Variants in FAM120B observed in about 807,000 individuals in gnomAD.
FAM120B encodes family with sequence similarity 120 member B, also known as constitutive coactivator of peroxisome proliferator-activated receptor gamma.
A neutral mutation model predicts 96.3 loss-of-function variants in FAM120B; 83 were observed. The observed-to-expected ratio is 0.86, with a 90% CI of 0.72 to 1.03. The LOEUF is 1.03. FAM120B is among the 50% of genes least tolerant of loss of function. The pLI, the probability that FAM120B is intolerant of heterozygous loss-of-function variation, is 0.00. For synonymous variants in FAM120B, 407 were observed against 402.7 expected, an observed-to-expected ratio of 1.01 and a Z score of -0.13; for missense variants, 1,027 against 1,121.2, an observed-to-expected ratio of 0.92 and a Z score of 1.20.
At chr6:170,354,721 A>G (rs1169899213) in intron 5 of FAM120B, among the ~76,000 whole-genome samples, 1 of 152,008 alleles carries the variant, frequency 6.6e-6, no homozygotes, top group African/African-American at 2.4e-5. Context: ...CAGGAGATCA[A>G]GACCATCCTG....
intron 3 of FAM120B, among the ~76,000 whole-genome samples, chr6:170,328,334 G>C (rs1785743907): frequency 6.6e-6 from 1 of 152,214 alleles, no homozygotes; most frequent in African/African-American, 2.4e-5. Context: ...CACGGGGTCA[G>C]GATCATCAAG....
chr6:170,336,680 CA>C (rs1562540865), intron 4 of FAM120B, among the ~76,000 whole-genome samples: 1 of 152,058 alleles, frequency 6.6e-6, no homozygotes, highest in African/African-American at 2.4e-5. Context: ...AATGTTTTTC[CA>C]TTTGTTTGTG....
chr6:170,361,182 C>CTATATA lies in FAM120B; in HGVS notation c.2283+2871_2283+2876dup, dbSNP rs564683415. On this transcript the variant is annotated intron_variant, in intron 6 of 10. Coordinates refer to ENST00000476287, the MANE Select transcript of FAM120B (RefSeq NM_032448.3). ...TTCCTACTCAAATATAGCCTTAAAA[C>CTATATA]TATATATATATACGTGTATATATAT... 1.2e-3 allele frequency among the ~76,000 whole-genome samples: 87 copies of CTATATA among 75,504 alleles called. 1 individual carries two copies. The highest frequency in any genetic ancestry group is 4.1e-3 in the African/African-American group (76 of 18,666). The allele number at this position is 75,504 out of a possible 152,430, so 49.5% of individuals were successfully genotyped here. A position where few individuals can be genotyped will look rare whatever the true frequency, so the allele number is the denominator to read the frequency against.
intron 1 of FAM120B, among the ~76,000 whole-genome samples, chr6:170,301,694 T>C (rs1420219887): frequency 6.6e-6 from 1 of 152,184 alleles, no homozygotes; most frequent in Non-Finnish European, 1.5e-5. Flanking sequence ...GTTCCACAGA[T>C]CTCTAAGGCA....
At chr6:170,380,204 G>A (rs984114021) in intron 6 of FAM120B, among the ~76,000 whole-genome samples, 10 of 151,468 alleles carry the variant, frequency 6.6e-5, no homozygotes, top group Non-Finnish European at 1.3e-4. Context: ...TTTAGTAGCT[G>A]AACAGTATTC....
chr6:170,356,784 G>T (rs1423283713), intron 5 of FAM120B, among the ~76,000 whole-genome samples: 1 of 152,134 alleles, frequency 6.6e-6, no homozygotes, highest in Non-Finnish European at 1.5e-5. Flanking sequence ...CATTTGGTCT[G>T]ACCTCCCAGT....
intron 1 of FAM120B, among the ~76,000 whole-genome samples, chr6:170,314,691 T>A (rs1186643686): frequency 6.6e-6 from 1 of 152,208 alleles, no homozygotes; most frequent in Non-Finnish European, 1.5e-5. Flanking sequence ...AAGAAAAAAT[T>A]TAAAGCGATA....
Position 170,404,762 on chromosome 6 carries a change from G to C in FAM120B, c.*12-1G>C, listed in dbSNP as rs1478451235. On this transcript the variant is annotated splice_acceptor_variant, in intron 10 of 10. Transcript: ENST00000476287. LOFTEE classifies it low-confidence loss of function (3UTR_SPLICE). ...TTTCAAAACACTCTTGCTTCCTCCAGAAAGAGTATGGAGAGAAAAAGAGGC... is the reference window on the plus strand; with the variant it reads ...TTTCAAAACACTCTTGCTTCCTCCACAAAGAGTATGGAGAGAAAAAGAGGC... 2 of 637,170 alleles carry C rather than the reference G, an allele frequency of 3.1e-6. No homozygotes were observed. The highest frequency in any genetic ancestry group is 5.5e-5 in the East Asian group (2 of 36,274). The allele number at this position is 637,170 out of a possible 1,614,324, so 39.5% of individuals were successfully genotyped here. A position where few individuals can be genotyped will look rare whatever the true frequency, so the allele number is the denominator to read the frequency against.
At chr6:170,333,154 A>G (rs1476210551) in intron 4 of FAM120B, among the ~76,000 whole-genome samples, 1 of 110,198 alleles carries the variant, frequency 9.1e-6, no homozygotes, top group East Asian at 2.8e-4. Context: ...TTGTACCCCC[A>G]CCCCACCGCC....
intron 7 of FAM120B, among the ~76,000 whole-genome samples, chr6:170,390,336 C>T (rs1790417528): frequency 6.6e-6 from 1 of 152,094 alleles, no homozygotes; most frequent in South Asian, 2.1e-4. Flanking sequence ...TTCTAATAAG[C>T]CAATAAGTAT....
At position 170,330,460 on chromosome 6, in the gene FAM120B, A is replaced by G. The variant is rs1284402437; in HGVS notation, c.1927A>G (p.Thr643Ala). 2.5e-6 allele frequency: 4 copies of G among 1,613,818 alleles called. No homozygotes were observed. Among genetic ancestry groups the G allele is most frequent in the Non-Finnish European group, 3.4e-6 (4 of 1,179,940 alleles). Residue 643 changes from threonine (T) to alanine (A), a missense_variant, in exon 4 of 11, where the codon ACC (threonine) becomes GCC (alanine). Transcript: ENST00000476287. The stretch of plus-strand genomic sequence containing the variant: ...CTCTTTTTCTTCAGATGTCACCAGC[A>G]CCTGCCTAGCTGTCAAGGAGTGGTT... Reference protein sequence around the residue: ...LLEDCQDVTSTCLAVKEWFVY... With the variant: ...LLEDCQDVTSACLAVKEWFVY...
chr6:170,298,948 G>C (rs1231602096), intron 1 of FAM120B, among the ~76,000 whole-genome samples: 3 of 152,190 alleles, frequency 2.0e-5, no homozygotes, highest in Non-Finnish European at 4.4e-5. Context: ...GCAGGAAGTA[G>C]AAGGCCACTT....
intron 5 of FAM120B, among the ~76,000 whole-genome samples, chr6:170,350,675 G>A (rs780423111): frequency 2.4e-4 from 36 of 152,146 alleles, no homozygotes; most frequent in Middle Eastern, 3.2e-3. Context: ...GGAGTAGACC[G>A]CCAGCAAATG....
chr6:170,379,516 G>A (rs775754851), intron 6 of FAM120B, among the ~76,000 whole-genome samples: 5 of 152,158 alleles, frequency 3.3e-5, no homozygotes, highest in African/African-American at 4.8e-5. Flanking sequence ...CCTGAAATCC[G>A]AAAAGCTCCA....
At chr6:170,382,285 A>G (rs147873030) in intron 6 of FAM120B, among the ~76,000 whole-genome samples, 13 of 152,244 alleles carry the variant, frequency 8.5e-5, no homozygotes, top group African/African-American at 1.4e-4. Flanking sequence ...AGCTGGATGT[A>G]TTAGCTACTC....
At chr6:170,348,491 T>C (rs1232456471) in intron 5 of FAM120B, among the ~76,000 whole-genome samples, 168 bp downstream of exon 5, 5 of 152,232 alleles carry the variant, frequency 3.3e-5, no homozygotes, top group Non-Finnish European at 7.3e-5. Context: ...GAAGATTGTA[T>C]GGCAAAATAC....
chr6:170,310,500 A>G (rs1193888373), intron 1 of FAM120B, among the ~76,000 whole-genome samples: 1 of 152,242 alleles, frequency 6.6e-6, no homozygotes, highest in Admixed American at 6.5e-5. Context: ...AGTGAAAGGC[A>G]GCTGGGATCT....
chr6:170,361,198 G>GTATATATATATATA (rs71010657), intron 6 of FAM120B, among the ~76,000 whole-genome samples: 15 of 66,012 alleles, frequency 2.3e-4, no homozygotes, highest in Admixed American at 2.0e-4. Flanking sequence ...ATATATACGT[G>GTATATATATATATA]TATATATATA....
At chr6:170,310,083 C>G (rs1238235742) in intron 1 of FAM120B, among the ~76,000 whole-genome samples, 3 of 152,076 alleles carry the variant, frequency 2.0e-5, no homozygotes, top group Middle Eastern at 3.2e-3. Context: ...GTTTTCCTGC[C>G]CAAAGTTTCT....
Sources: allele counts gnomAD v4.1 joint callset (sites outside exome capture counted in the v4.1 genomes callset), GRCh38; gene constraint gnomAD v4.1.1; transcripts MANE v1.5; gene names NCBI Gene and HGNC (gene_info 2026-07-23, HGNC 2026-07-21).